The following RAB1A variants were observed in gnomAD, a reference collection of about 807,000 sequenced individuals.
The protein encoded by RAB1A is RAB1A, member RAS oncogene family, also known as ras-related protein Rab-1A.
Under a neutral mutation model 26.0 loss-of-function variants are expected in RAB1A, and 2 were observed. The observed-to-expected ratio is 0.08, with a 90% CI of 0.03 to 0.24. RAB1A has a LOEUF of 0.24. RAB1A is among the 10% of genes least tolerant of loss of function. The pLI, the probability that RAB1A is intolerant of heterozygous loss-of-function variation, is 1.00. For missense variants in RAB1A, 100 were observed against 247.0 expected (o/e 0.40, Z 3.99); for synonymous variants, 84 against 84.9 (o/e 0.99, Z 0.06).
chr2:65,093,918 G>T (rs1410976513), intron 3 of RAB1A, among the ~76,000 whole-genome samples: 1 of 151,696 alleles, frequency 6.6e-6, no homozygotes, highest in Non-Finnish European at 1.5e-5. Context: ...CACCGTGCCC[G>T]GCCTGTGTTT....
intron 1 of RAB1A, among the ~76,000 whole-genome samples, chr2:65,108,794 G>A (rs946058649): frequency 9.2e-5 from 14 of 151,832 alleles, no homozygotes; most frequent in African/African-American, 3.1e-4. Flanking sequence ...CAATAAGGGC[G>A]AAACTCCATC....
chr2:65,116,667 A>T (rs1323034293), intron 1 of RAB1A, among the ~76,000 whole-genome samples: 1 of 152,266 alleles, frequency 6.6e-6, no homozygotes, highest in Non-Finnish European at 1.5e-5. Flanking sequence ...AAAAACTTCA[A>T]AATTATTTAT....
intron 1 of RAB1A, among the ~76,000 whole-genome samples, chr2:65,113,693 T>C (rs1423609734): frequency 1.3e-5 from 2 of 152,186 alleles, no homozygotes; most frequent in African/African-American, 2.4e-5. Context: ...GAATCTAAAA[T>C]GCTACTGGAA....
At position 65,087,396 on chromosome 2, in the gene RAB1A, C is replaced by T. The variant is rs1394212609; in HGVS notation, c.*1097G>A. ...TGCTTCCTATCTTAATGCTTAAACC[C>T]TCCTCCAACACCAAGTTAAGCAACT... On this transcript the variant is annotated 3_prime_UTR_variant, in exon 6 of 6. Coordinates refer to ENST00000409784, the MANE Select transcript of RAB1A (RefSeq NM_004161.5). The T allele has an allele frequency of 6.6e-6, 1 of 152,570 alleles. No homozygotes were observed. The highest frequency in any genetic ancestry group is 1.5e-5 in the Non-Finnish European group (1 of 68,030). The allele number at this position is 152,570 out of a possible 1,614,324, so 9.5% of individuals were successfully genotyped here.
intron 1 of RAB1A, among the ~76,000 whole-genome samples, chr2:65,127,666 C>T (rs1188694783): frequency 6.6e-6 from 1 of 152,138 alleles, no homozygotes; most frequent in East Asian, 1.9e-4. Flanking sequence ...GCGGAGGTGG[C>T]GGTGAGAGGA....
chr2:65,116,481 T>C (rs1669829314), intron 1 of RAB1A, among the ~76,000 whole-genome samples: 1 of 152,320 alleles, frequency 6.6e-6, no homozygotes, highest in African/African-American at 2.4e-5. Flanking sequence ...TCTATAAGGT[T>C]CAATTAGCAC....
intron 3 of RAB1A, among the ~76,000 whole-genome samples, chr2:65,095,848 C>A (rs192133036): frequency 3.6e-4 from 54 of 151,354 alleles, no homozygotes; most frequent in African/African-American, 1.1e-3. Flanking sequence ...CCCATCTCTA[C>A]GAAAAATACA....
At chr2:65,113,102 T>C (rs1368532664) in intron 1 of RAB1A, among the ~76,000 whole-genome samples, 1 of 152,126 alleles carries the variant, frequency 6.6e-6, no homozygotes, top group Non-Finnish European at 1.5e-5. Context: ...TTTGCTAACA[T>C]TAGAATTGTC....
At chr2:65,103,305 A>AAAAAAAAAAAAAC (rs916758282) in intron 2 of RAB1A, among the ~76,000 whole-genome samples, 1 of 53,254 alleles carries the variant, frequency 1.9e-5, no homozygotes, top group African/African-American at 6.4e-5. Context: ...GTCTCAAAAA[A>AAAAAAAAAAAAAC]AAAAAAAAAC....
At chr2:65,111,686 C>T (rs780126322) in intron 1 of RAB1A, among the ~76,000 whole-genome samples, 8 of 152,070 alleles carry the variant, frequency 5.3e-5, no homozygotes, top group African/African-American at 1.4e-4. Context: ...TTAGGAAAAG[C>T]GGAAAGAAGG....
At chr2:65,129,762 G>C in intron 1 of RAB1A, 131 bp downstream of exon 1, 1 of 1,412,052 alleles carries the variant, frequency 7.1e-7, no homozygotes, top group Non-Finnish European at 9.7e-7. Flanking sequence ...CCGGCCGCCA[G>C]CCTCTCCTGA....
At chr2:65,095,692 T>C (rs1444156675) in intron 3 of RAB1A, among the ~76,000 whole-genome samples, 1 of 151,328 alleles carries the variant, frequency 6.6e-6, no homozygotes. Context: ...GAACTAGCTA[T>C]TTCGAAAAAA....
Position 65,129,927 on chromosome 2 carries a change from TGCC to T in RAB1A, c.-15_-13del. ...TTCATGCTGGACATGTCACTGCAGC[TGCC>T]GCCGCCGCCACCGCCGCCCTTGCTG... On this transcript the variant is annotated 5_prime_UTR_variant, in exon 1 of 6. Transcript: ENST00000409784. 6.3e-7 allele frequency: 1 copy of T among 1,585,526 alleles called. No individual in the cohort carries two copies. The highest frequency in any genetic ancestry group is 8.6e-7 in the Non-Finnish European group (1 of 1,167,662).
intron 3 of RAB1A, 21 bp from the exon 4 acceptor site, chr2:65,091,099 A>G (rs1334958080): frequency 1.3e-6 from 2 of 1,567,164 alleles, no homozygotes; most frequent in Non-Finnish European, 1.8e-6. Flanking sequence ...ACAATCAAGA[A>G]ATCCAAACAA....
chr2:65,110,041 C>G (rs1669658558), intron 1 of RAB1A, among the ~76,000 whole-genome samples: 1 of 152,256 alleles, frequency 6.6e-6, no homozygotes, highest in Non-Finnish European at 1.5e-5. Context: ...TTAATCAGGC[C>G]TCTTTCGTTG....
intron 1 of RAB1A, among the ~76,000 whole-genome samples, chr2:65,116,394 T>C (rs1173603560): frequency 2.0e-5 from 3 of 152,144 alleles, no homozygotes; most frequent in Non-Finnish European, 1.5e-5. Flanking sequence ...CGTACTTGAA[T>C]TGAGGCTCTA....
At chr2:65,088,857 G>T in intron 5 of RAB1A, 82 bp downstream of exon 5, 2 of 1,423,630 alleles carry the variant, frequency 1.4e-6, no homozygotes, top group Non-Finnish European at 9.5e-7. Context: ...TTTTTAAAAG[G>T]CTGTGGCCTT....
intron 1 of RAB1A, among the ~76,000 whole-genome samples, chr2:65,118,877 T>C (rs191193799): frequency 6.6e-6 from 1 of 152,284 alleles, no homozygotes; most frequent in East Asian, 1.9e-4. Context: ...AGATTTGGGT[T>C]TTTTAATAAA....
In RAB1A at chr2:65,106,964, G is replaced by C. The variant is rs112222886; in HGVS notation, c.24-2158C>G. ...GACGGGATTTAGCCATGTTGGTCGG[G>C]CTGGTCTCCAACTCCTGATCTCAAG... On this transcript the variant is annotated intron_variant, in intron 1 of 5. Transcript: ENST00000409784. 2.8e-3 allele frequency among the ~76,000 whole-genome samples: 426 copies of C among 152,202 alleles called. 2 individuals carry two copies. Among genetic ancestry groups the C allele is most frequent in the Admixed American group, 4.6e-3 (70 of 15,258 alleles).
Sources: gnomAD v4.1 joint callset for allele counts (sites outside exome capture counted in the v4.1 genomes callset) on GRCh38, gnomAD v4.1.1 for gene constraint, MANE v1.5 for transcripts, NCBI Gene and HGNC (gene_info 2026-07-23, HGNC 2026-07-21) for gene names.